The following SYTL5 variants were observed in gnomAD, a reference collection of about 807,000 sequenced individuals.
The protein encoded by SYTL5 is synaptotagmin like 5, also known as synaptotagmin-like protein 5.
SYTL5 carries 34 observed loss-of-function variants against 55.9 expected under a neutral mutation model. That is an observed-to-expected ratio of 0.61 (90% CI 0.46 to 0.81). The LOEUF (loss-of-function observed/expected upper bound fraction) is 0.81, where lower values mean the gene tolerates loss of function less well. Ranked by LOEUF, SYTL5 falls within the 30% of genes least tolerant of loss-of-function variation. The probability of loss-of-function intolerance (pLI) is 0.00; values close to 1 mark genes in which losing one functional copy is unlikely to be tolerated. For synonymous variants in SYTL5, 221 were observed against 188.7 expected, an observed-to-expected ratio of 1.17 and a Z score of -1.40; for missense variants, 637 against 546.7, an observed-to-expected ratio of 1.17 and a Z score of -1.65.
chrX:37,990,283 T>C, the SYTL5 span, among the ~76,000 whole-genome samples: 3 of 112,049 alleles, frequency 2.7e-5, no homozygotes, highest in African/African-American at 9.8e-5. Flanking sequence ...AAAGATGTTA[T>C]GACTGCTTCA....
At chrX:38,054,822 TG>T (rs1173857376) in intron 3 of SYTL5, among the ~76,000 whole-genome samples, 82 of 110,483 alleles carry the variant, frequency 7.4e-4, no homozygotes, top group African/African-American at 2.6e-3. Flanking sequence ...CTCGACCTCC[TG>T]GGCTCAAGTG....
In SYTL5 at chrX:38,120,379, G is replaced by A; in HGVS notation, c.1618G>A (p.Gly540Ser). ...CCAGGTGGAGTTTGCTCCTGATATT[G>A]GCCTTCAATACAAAGGAGAGCTGAC... ...QPKVEFAPDI[G>S]LQYKGELTVV... Residue 540 changes from glycine to serine, a missense_variant, in exon 14 of 17, where the codon GGC becomes AGC. Gly to Ser is a moderately conservative substitution (Grantham distance 56). Coordinates refer to ENST00000297875, the MANE Select transcript of SYTL5 (RefSeq NM_138780.3). 1 of 1,209,677 alleles carries A rather than the reference G, an allele frequency of 8.3e-7. No individual in the cohort carries two copies. The highest frequency in any genetic ancestry group is 1.1e-6 in the Non-Finnish European group (1 of 894,035).
At chrX:37,937,634 A>G in the SYTL5 span, among the ~76,000 whole-genome samples, 2 of 112,256 alleles carry the variant, frequency 1.8e-5, no homozygotes, top group Non-Finnish European at 1.9e-5. Flanking sequence ...ATTATGGCCT[A>G]CACAACTGTG....
the SYTL5 span, among the ~76,000 whole-genome samples, chrX:37,930,337 A>T: frequency 8.9e-6 from 1 of 112,164 alleles, no homozygotes; most frequent in South Asian, 3.8e-4. Context: ...GCCAAGTTTG[A>T]CCATACGAAT....
chrX:37,955,120 C>T, the SYTL5 span, among the ~76,000 whole-genome samples: 38 of 109,726 alleles, frequency 3.5e-4, no homozygotes, highest in African/African-American at 1.2e-3. Flanking sequence ...GGGTTATGGT[C>T]CCTTCTTGTA....
At chrX:37,985,935 G>C in the SYTL5 span, among the ~76,000 whole-genome samples, 1 of 111,044 alleles carries the variant, frequency 9.0e-6, no homozygotes, top group East Asian at 2.8e-4. Context: ...AACAAATTGT[G>C]CTGGTATAAC....
intron 2 of SYTL5, among the ~76,000 whole-genome samples, chrX:38,039,218 C>T (rs771119868): frequency 2.6e-4 from 29 of 112,055 alleles, no homozygotes; most frequent in African/African-American, 8.8e-4. Flanking sequence ...TAGGAGATAG[C>T]GAGACACAGG....
At chrX:38,096,367 T>A in intron 9 of SYTL5, 133 bp downstream of exon 9, 1 of 352,752 alleles carries the variant, frequency 2.8e-6, no homozygotes, top group Non-Finnish European at 5.0e-6. Flanking sequence ...TTCCTGTTAG[T>A]CTTCACAGTC....
At chrX:38,114,296 G>A (rs904980140) in intron 13 of SYTL5, among the ~76,000 whole-genome samples, 1 of 111,640 alleles carries the variant, frequency 9.0e-6, no homozygotes, top group Non-Finnish European at 1.9e-5. Context: ...CTGTCATCAT[G>A]TCTCCCATCC....
chrX:38,010,827 T>C (rs1934152818), intron 1 of SYTL5, among the ~76,000 whole-genome samples: 1 of 111,765 alleles, frequency 8.9e-6, no homozygotes, highest in Admixed American at 9.5e-5. Flanking sequence ...GAAAGAAAAA[T>C]AATAATAATA....
intron 3 of SYTL5, among the ~76,000 whole-genome samples, chrX:38,058,372 T>C (rs1230170343): frequency 9.0e-6 from 1 of 111,451 alleles, no homozygotes; most frequent in African/African-American, 3.2e-5. Context: ...TTGCTTTATA[T>C]ATTTAGATTT....
At chrX:38,067,509 A>T in intron 3 of SYTL5, among the ~76,000 whole-genome samples, 1 of 110,914 alleles carries the variant, frequency 9.0e-6, no homozygotes, top group Non-Finnish European at 1.9e-5. Context: ...AAAGTTAAAA[A>T]CTCTTCTTTT....
chrX:37,941,905 G>GA, the SYTL5 span, among the ~76,000 whole-genome samples: 1 of 108,869 alleles, frequency 9.2e-6, no homozygotes, highest in African/African-American at 3.3e-5. Context: ...AACTTGTAGG[G>GA]AAAAAAAAAC....
the SYTL5 span, among the ~76,000 whole-genome samples, chrX:37,917,602 A>T: frequency 8.9e-6 from 1 of 112,434 alleles, no homozygotes; most frequent in Non-Finnish European, 1.9e-5. Context: ...TTTCACCAAA[A>T]GAATAATTCA....
At chrX:37,998,436 G>A in the SYTL5 span, among the ~76,000 whole-genome samples, 1 of 111,914 alleles carries the variant, frequency 8.9e-6, no homozygotes, top group Non-Finnish European at 1.9e-5. Flanking sequence ...CATGTTTCCC[G>A]GTGCCAGCTG....
At chrX:38,040,778 A>G (rs1935262079) in intron 2 of SYTL5, among the ~76,000 whole-genome samples, 1 of 112,039 alleles carries the variant, frequency 8.9e-6, no homozygotes, top group Admixed American at 9.5e-5. Flanking sequence ...TGCAACAAGC[A>G]TAGGAGTGCA....
chrX:37,893,199 C>A, the SYTL5 span, among the ~76,000 whole-genome samples: 16 of 73,411 alleles, frequency 2.2e-4, no homozygotes, highest in East Asian at 4.6e-3. Context: ...ACATACCACA[C>A]TCTATACTAT....
chrX:37,978,504 A>G, the SYTL5 span, among the ~76,000 whole-genome samples: 1,295 of 112,285 alleles, frequency 0.012, 11 homozygotes, highest in South Asian at 0.029. Context: ...TAACCTGGTC[A>G]CACATCATAA....
At chrX:37,942,533 G>A in the SYTL5 span, among the ~76,000 whole-genome samples, 4 of 111,646 alleles carry the variant, frequency 3.6e-5, no homozygotes, top group Non-Finnish European at 5.6e-5. Flanking sequence ...GATGGCTTAC[G>A]TTGTCCTGGG....
Sources: allele counts gnomAD v4.1 joint callset (sites outside exome capture counted in the v4.1 genomes callset), GRCh38; gene constraint gnomAD v4.1.1; transcripts MANE v1.5; gene names NCBI Gene and HGNC (gene_info 2026-07-23, HGNC 2026-07-21).